The following PDE9A variants were observed in gnomAD, a reference collection of about 807,000 sequenced individuals.
PDE9A encodes high affinity cGMP-specific 3',5'-cyclic phosphodiesterase 9A.
In PDE9A, 60 loss-of-function variants were observed where a neutral mutation model predicts 87.4. The observed-to-expected ratio is 0.69, with a 90% CI of 0.56 to 0.85. PDE9A has a LOEUF of 0.85. Among genes scored for constraint, PDE9A ranks in the 40% least tolerant of loss-of-function variants. The probability of loss-of-function intolerance (pLI) is 0.00; values close to 1 mark genes in which losing one functional copy is unlikely to be tolerated. For missense variants in PDE9A, 665 were observed against 779.0 expected (o/e 0.85, Z 1.74); for synonymous variants, 272 against 279.4 (o/e 0.97, Z 0.27).
At chr21:42,712,015 C>T (rs2146470540) in intron 4 of PDE9A, among the ~76,000 whole-genome samples, 1 of 152,184 alleles carries the variant, frequency 6.6e-6, no homozygotes, top group East Asian at 1.9e-4. Flanking sequence ...TTTGTTTTGA[C>T]TGTATAGGTT....
At chr21:42,701,365 G>A (rs2146344880) in intron 4 of PDE9A, among the ~76,000 whole-genome samples, 1 of 150,740 alleles carries the variant, frequency 6.6e-6, no homozygotes, top group African/African-American at 2.4e-5. Flanking sequence ...TTTTCTTATA[G>A]TGCTGGTCTT....
chr21:42,657,061 G>C (rs2057129631), intron 1 of PDE9A, among the ~76,000 whole-genome samples: 1 of 152,238 alleles, frequency 6.6e-6, no homozygotes, highest in Non-Finnish European at 1.5e-5. Flanking sequence ...AGGCTGGGTG[G>C]GCCAGCCCCG....
At chr21:42,770,877 T>C (rs925679699) in intron 18 of PDE9A, 79 bp downstream of exon 18, 1 of 1,104,818 alleles carries the variant, frequency 9.1e-7, no homozygotes, top group Admixed American at 1.8e-5. Context: ...TCCAGAAGCT[T>C]GGACGTGCCA....
chr21:42,690,584 G>GC (rs2059767040), intron 3 of PDE9A, among the ~76,000 whole-genome samples: 1 of 151,962 alleles, frequency 6.6e-6, no homozygotes, highest in Non-Finnish European at 1.5e-5. Context: ...TTGTCCCCCA[G>GC]GCTGGTGCCT....
At position 42,743,211 on chromosome 21, in the gene PDE9A, T is replaced by G. The variant is rs1203506959; in HGVS notation, c.569-565T>G. On this transcript the variant is annotated intron_variant, in intron 7 of 19. Coordinates refer to ENST00000291539, the MANE Select transcript of PDE9A (RefSeq NM_002606.3). ...CTCCAGGAATGTGATCAAGTCCAAG[T>G]TCTGCTGATCCTCAACTTTGCCTAT... is the stretch of plus-strand genomic sequence containing the variant. 2.0e-5 allele frequency among the ~76,000 whole-genome samples: 3 copies of G among 152,240 alleles called. No individual in the cohort carries two copies. The East Asian group carries it at 5.8e-4, about 29-fold the overall frequency.
chr21:42,726,624 A>ATATATATATATTTTTTTTTTTTTT, intron 4 of PDE9A, among the ~76,000 whole-genome samples: 1 of 19,778 alleles, frequency 5.1e-5, no homozygotes, highest in Non-Finnish European at 7.5e-5. Context: ...ATATATATAT[A>ATATATATATATTTTTTTTTTTTTT]TTTTTTTTTT....
At chr21:42,713,202 T>A (rs939649340) in intron 4 of PDE9A, among the ~76,000 whole-genome samples, 1 of 152,146 alleles carries the variant, frequency 6.6e-6, no homozygotes, top group Non-Finnish European at 1.5e-5. Flanking sequence ...TGCTGCCATC[T>A]CGGCTCACTG....
chr21:42,668,728 C>A (rs543458796), intron 1 of PDE9A, among the ~76,000 whole-genome samples: 1 of 152,218 alleles, frequency 6.6e-6, no homozygotes, highest in Admixed American at 6.5e-5. Context: ...GCCCGGGATC[C>A]GCGCAGATGC....
At chr21:42,674,729 A>C (rs150125671) in intron 1 of PDE9A, among the ~76,000 whole-genome samples, 274 of 152,142 alleles carry the variant, frequency 1.8e-3, no homozygotes, top group African/African-American at 6.3e-3. Flanking sequence ...CTACCCCCAG[A>C]CACACACTCT....
intron 4 of PDE9A, among the ~76,000 whole-genome samples, chr21:42,726,618 A>ATTTTTTTTTTTTT (rs1486108848): frequency 1.3e-4 from 3 of 23,048 alleles, no homozygotes; most frequent in African/African-American, 6.6e-4. Flanking sequence ...ATATATATAT[A>ATTTTTTTTTTTTT]TATATATTTT....
At chr21:42,762,048 C>G (rs755285825) in intron 13 of PDE9A, 35 bp from the exon 14 acceptor site, 1 of 1,599,522 alleles carries the variant, frequency 6.3e-7, no homozygotes, top group African/African-American at 1.3e-5. Flanking sequence ...GGTGAGGGCG[C>G]CTGAGTCTCC....
In PDE9A at chr21:42,675,044, C is replaced by T. The variant is rs1048141523; in HGVS notation, c.70-11148C>T. Among the ~76,000 whole-genome samples, 7 of 152,252 alleles carry T rather than the reference C, an allele frequency of 4.6e-5. No individual in the cohort carries two copies. Among genetic ancestry groups the T allele is most frequent in the Middle Eastern group, 6.8e-3 (2 of 294 alleles). The stretch of plus-strand genomic sequence containing the variant: ...TCATCCCCCACTACCCAGAGAAAAC[C>T]GCTGTTAACACCGAAGTGCCACAGT... On this transcript the variant is annotated intron_variant, in intron 1 of 19. Transcript: ENST00000291539. The surrounding 1 kb of genome is among the most constrained non-coding windows in gnomAD (Gnocchi z 4.3).
rs1410787585 is a variant in PDE9A at position 42,696,199 on chromosome 21, G to C, written c.219-2769G>C. 6.6e-6 allele frequency among the ~76,000 whole-genome samples: 1 copy of C among 152,164 alleles called. No homozygotes were observed. Among genetic ancestry groups the C allele is most frequent in the Non-Finnish European group, 1.5e-5 (1 of 68,022 alleles). ...AAGTTGTCTTGGTAAGCCTGTTTTTGTGTCAGGTCCCCAGGACACCTTCCT... is the reference window on the plus strand; with the variant it reads ...AAGTTGTCTTGGTAAGCCTGTTTTTCTGTCAGGTCCCCAGGACACCTTCCT... On this transcript the variant is annotated intron_variant, in intron 3 of 19. Coordinates refer to ENST00000291539, the MANE Select transcript of PDE9A (RefSeq NM_002606.3). The surrounding 1 kb of genome is among the most constrained non-coding windows in gnomAD (Gnocchi z 5.1).
At position 42,656,873 on chromosome 21, in the gene PDE9A, A is replaced by G. The variant is rs114800889; in HGVS notation, c.69+2990A>G. ...TCGAGAACCTTGGGTCAGTTACTTC[A>G]CTCTGTGCCCCTGTGCTGCTGTGCT... On this transcript the variant is annotated intron_variant, in intron 1 of 19. Transcript: ENST00000291539. Among the ~76,000 whole-genome samples the G allele has an allele frequency of 5.5e-3, 837 of 152,106 alleles. 14 individuals carry two copies. The highest frequency in any genetic ancestry group is 0.019 in the African/African-American group (806 of 41,480).
intron 4 of PDE9A, chr21:42,701,106 T>C (rs1317166731): frequency 1.3e-5 from 2 of 152,220 alleles, no homozygotes; most frequent in Non-Finnish European, 2.9e-5. Flanking sequence ...ATGGTCTATC[T>C]CCCCATTCAT....
rs1375328432 is a variant in PDE9A at position 42,660,527 on chromosome 21, C to T, written c.69+6644C>T. ...AAGACCACGCTCTGGGTACCGTGTA[C>T]ACCGCTCGGGTGACAGTGCACCAGA... On this transcript the variant is annotated intron_variant, in intron 1 of 19. Transcript: ENST00000291539. This position sits in a 1 kb window ranked among gnomAD's most constrained non-coding sequence, Gnocchi z 4.7. Among the ~76,000 whole-genome samples the T allele has an allele frequency of 6.6e-6, 1 of 151,806 alleles. No individual in the cohort carries two copies. The highest frequency in any genetic ancestry group is 1.5e-5 in the Non-Finnish European group (1 of 68,000).
In PDE9A at chr21:42,692,729, G is replaced by C. The variant is rs1286583601; in HGVS notation, c.218+4735G>C. On this transcript the variant is annotated intron_variant, in intron 3 of 19. Coordinates refer to ENST00000291539, the MANE Select transcript of PDE9A (RefSeq NM_002606.3). The surrounding 1 kb of genome is among the most constrained non-coding windows in gnomAD (Gnocchi z 4.3). The stretch of plus-strand genomic sequence containing the variant: ...CCGCTTCCGTCCCTCTTCCCTCGCC[G>C]GCAGGTGACGTTACTGGCCTTTTCT... Among the ~76,000 whole-genome samples, 1 of 152,068 alleles carries C rather than the reference G, an allele frequency of 6.6e-6. No individual in the cohort carries two copies. Among genetic ancestry groups the C allele is most frequent in the Non-Finnish European group, 1.5e-5 (1 of 68,024 alleles).
intron 9 of PDE9A, among the ~76,000 whole-genome samples, chr21:42,751,744 C>CTT (rs33940532): frequency 0.41 from 50,445 of 122,276 alleles, 11,113 homozygotes; most frequent in South Asian, 0.6. Flanking sequence ...GGCCCACCTG[C>CTT]TTTTTTTTTT....
chr21:42,666,162 C>T (rs186997740), intron 1 of PDE9A, among the ~76,000 whole-genome samples: 10 of 152,150 alleles, frequency 6.6e-5, no homozygotes, highest in Non-Finnish European at 1.5e-4. Flanking sequence ...CGTGGTCATT[C>T]GTGCAGTGGG....
Sources: allele counts gnomAD v4.1 joint callset (sites outside exome capture counted in the v4.1 genomes callset), GRCh38; gene constraint gnomAD v4.1.1; non-coding constraint Gnocchi (gnomAD v3.1); transcripts MANE v1.5; gene names NCBI Gene and HGNC (gene_info 2026-07-23, HGNC 2026-07-21).